Variants in ZNF318 observed in about 807,000 individuals in gnomAD.
ZNF318 encodes zinc finger protein 318.
ZNF318 carries 51 observed loss-of-function variants against 124.2 expected under a neutral mutation model. The ratio of observed to expected loss-of-function variants is 0.41; its 90% confidence interval spans 0.33 to 0.52. The LOEUF (loss-of-function observed/expected upper bound fraction) is 0.52. ZNF318 is among the 20% of genes least tolerant of loss of function. The probability of loss-of-function intolerance (pLI) is 0.23; values close to 1 mark genes in which losing one functional copy is unlikely to be tolerated. For synonymous variants in ZNF318, 1,090 were observed against 1,040.7 expected, an observed-to-expected ratio of 1.05 and a Z score of -0.91; for missense variants, 2,815 against 2,811.2, an observed-to-expected ratio of 1.00 and a Z score of -0.03.
intron 4 of ZNF318, among the ~76,000 whole-genome samples, chr6:43,353,373 G>C (rs1382071320): frequency 8.3e-6 from 1 of 121,130 alleles, no homozygotes; most frequent in East Asian, 2.4e-4. Flanking sequence ...TTTTTCTTCA[G>C]AACTTTTTTT....
At chr6:43,340,556 A>T in intron 9 of ZNF318, 54 bp from the exon 10 acceptor site, 1 of 1,523,768 alleles carries the variant, frequency 6.6e-7, no homozygotes, top group Non-Finnish European at 8.7e-7. Context: ...AAGAGAAAAA[A>T]ATCTTGGCCC....
intron 2 of ZNF318, among the ~76,000 whole-genome samples, chr6:43,360,744 C>T (rs190106063): frequency 1.3e-5 from 2 of 151,898 alleles, no homozygotes; most frequent in African/African-American, 4.8e-5. Context: ...TATATCCATA[C>T]AATAAAATAT....
chr6:43,337,837 C>G lies in ZNF318; in HGVS notation c.6161G>C (p.Cys2054Ser). The change falls in exon 10 of 10, where the codon TGT (cysteine) becomes TCT (serine). Residue 2054 changes from cysteine to serine, a missense_variant. Cys to Ser is a moderately radical substitution (Grantham distance 112). This residue lies in a region of ZNF318 where 927 missense variants were observed against 820.6 expected (regional missense o/e 1.13). Transcript: ENST00000361428. ...GAAGTCAGCGGGATCGGAGGAATTA[C>G]ACCCTATAGGTGATACAGAATTTTC... ...CEENSVSPIGCNSSDPADFEP... is the reference protein window; with the variant it reads ...CEENSVSPIGSNSSDPADFEP... The G allele has an allele frequency of 1.9e-6, 3 of 1,614,210 alleles. No homozygotes were observed. Among genetic ancestry groups the G allele is most frequent in the Non-Finnish European group, 2.5e-6 (3 of 1,180,040 alleles).
At chr6:43,362,966 T>C (rs923153805) in intron 2 of ZNF318, among the ~76,000 whole-genome samples, 1 of 152,102 alleles carries the variant, frequency 6.6e-6, no homozygotes, top group Admixed American at 6.6e-5. Context: ...AGAAGAGAAA[T>C]GTGTAGGGGG....
intron 4 of ZNF318, among the ~76,000 whole-genome samples, chr6:43,354,189 C>T (rs1246733697): frequency 2.0e-5 from 3 of 152,092 alleles, no homozygotes. Context: ...TAAACCAGAA[C>T]AAGCAAAGTT....
intron 2 of ZNF318, among the ~76,000 whole-genome samples, chr6:43,362,493 A>T (rs990604626): frequency 2.6e-5 from 4 of 151,174 alleles, no homozygotes; most frequent in Admixed American, 2.0e-4. Flanking sequence ...ATGAATTTTT[A>T]AAAAATAAAC....
At chr6:43,344,395 TTAAA>T (rs1270364764) in intron 6 of ZNF318, among the ~76,000 whole-genome samples, 1 of 152,190 alleles carries the variant, frequency 6.6e-6, no homozygotes, top group East Asian at 1.9e-4. Context: ...ATTTGATTGG[TTAAA>T]TAAATTTTGC....
rs1449293669 is a variant in ZNF318, at chr6:43,369,403, C to A, written c.-38G>T. ...GGCGGCCACGGCGACAGCTCTGACCCGGGGGCGCCCTAGACGCAGGCTCGG... is the reference window on the plus strand; with the variant it reads ...GGCGGCCACGGCGACAGCTCTGACCAGGGGGCGCCCTAGACGCAGGCTCGG... On this transcript the variant is annotated 5_prime_UTR_variant, in exon 1 of 10. Coordinates refer to ENST00000361428, the MANE Select transcript of ZNF318 (RefSeq NM_014345.3). The A allele has an allele frequency of 1.7e-6, 2 of 1,184,628 alleles. No homozygotes were observed. The highest frequency in any genetic ancestry group is 7.0e-5 in the South Asian group (2 of 28,468). 73.4% of individuals were successfully genotyped at this position (1,184,628 alleles called of 1,614,324 possible). A position where few individuals can be genotyped will look rare whatever the true frequency, so the allele number is the denominator to read the frequency against.
chr6:43,356,025 T>C lies in ZNF318; in HGVS notation c.1309A>G (p.Thr437Ala). ...TCCTTCAAGGCAGTCTCTACCATAG[T>C]CCCCTTGTTTTCAATCTCTGAGGCA... The part of the protein sequence containing the change: ...AFASEIENKG[T>A]MVETALKEPQ... The change falls in exon 4 of 10, where the codon ACT becomes GCT. Residue 437 changes from threonine (T) to alanine (A), a missense_variant. By Grantham distance (58) the Thr-to-Ala change is moderately conservative. This residue lies in a region of ZNF318 where 1,377 missense variants were observed against 1,353.5 expected (regional missense o/e 1.02). Coordinates refer to ENST00000361428, the MANE Select transcript of ZNF318 (RefSeq NM_014345.3). The C allele has an allele frequency of 6.2e-7, 1 of 1,614,170 alleles. No homozygotes were observed. The highest frequency in any genetic ancestry group is 8.5e-7 in the Non-Finnish European group (1 of 1,180,024).
intron 1 of ZNF318, 124 bp from the exon 2 acceptor site, chr6:43,365,564 T>C (rs971549511): frequency 2.2e-6 from 2 of 925,322 alleles, no homozygotes; most frequent in Non-Finnish European, 3.2e-6. Flanking sequence ...CCCAACACTT[T>C]GGGAGGCTGA....
At chr6:43,343,415 T>C (rs1779397726) in intron 6 of ZNF318, among the ~76,000 whole-genome samples, 1 of 152,186 alleles carries the variant, frequency 6.6e-6, no homozygotes, top group Non-Finnish European at 1.5e-5. Context: ...AGAGAAGGGT[T>C]GGTGTACATA....
chr6:43,339,983 C>A lies in ZNF318; in HGVS notation c.4015G>T (p.Val1339Phe). 1 of 1,614,182 alleles carries A rather than the reference C, an allele frequency of 6.2e-7. No homozygotes were observed. Among genetic ancestry groups the A allele is most frequent in the Non-Finnish European group, 8.5e-7 (1 of 1,180,024 alleles). Residue 1339 changes from valine to phenylalanine, a missense_variant, in exon 10 of 10, where the codon GTT becomes TTT. Val to Phe is a conservative substitution (Grantham distance 50, BLOSUM62 -1). Around this residue, in one of 4 missense-constraint regions of ZNF318, gnomAD observed 500 missense variants for 605.2 expected, o/e 0.83. Coordinates refer to ENST00000361428, the MANE Select transcript of ZNF318 (RefSeq NM_014345.3). This position sits in a 1 kb window ranked among gnomAD's most constrained non-coding sequence, Gnocchi z 4.2. ...TTAGTCTGTGTGGAAGTTGTCACAACAGGCATCCAAGGGCTGGTATGTGCA... is the reference window on the plus strand; with the variant it reads ...TTAGTCTGTGTGGAAGTTGTCACAAAAGGCATCCAAGGGCTGGTATGTGCA... The part of the protein sequence containing the change: ...VVAHTSPWMP[V>F]VTTSTQTKIR...
chr6:43,368,744 G>C (rs1248430389), intron 1 of ZNF318: 4 of 985,470 alleles, frequency 4.1e-6, no homozygotes, highest in Non-Finnish European at 4.8e-6. Context: ...CCTAAGGAAC[G>C]GAGCGCGCAC....
Position 43,342,112 on chromosome 6 carries a change from CT to C in ZNF318, c.3375del (p.Gly1126AlafsTer30). 6.2e-7 allele frequency: 1 copy of C among 1,613,966 alleles called. No individual in the cohort carries two copies. Among genetic ancestry groups the C allele is most frequent in the Non-Finnish European group, 8.5e-7 (1 of 1,179,866 alleles). ...CAAAGGTGGCAAAAAGGAAACATAC[CT>C]TTTGCAGGAACAGTTATCTTGTCAG... ...KRTDKITVPA[K>X]GSEFLVPISG... On this transcript the variant is annotated frameshift_variant and splice_region_variant, in exon 8 of 10. Coordinates refer to ENST00000361428, the MANE Select transcript of ZNF318 (RefSeq NM_014345.3). LOFTEE classifies it high-confidence loss of function.
Position 43,369,114 on chromosome 6 carries a change from C to A in ZNF318, c.252G>T (p.Arg84=), listed in dbSNP as rs1779800587. ...RGRRVSPSPP[R]ARRGSPSPPR... ...GTGGCGACGGGGAGCCGCGACGGGC[C>A]CGAGGCGGGGACGGGGAGACGCGAC... Residue 84 remains arginine, a synonymous_variant, in exon 1 of 10, where the codon CGG becomes CGT. Transcript: ENST00000361428. The A allele has an allele frequency of 8.0e-7, 1 of 1,244,514 alleles. No homozygotes were observed. Among genetic ancestry groups the A allele is most frequent in the East Asian group, 3.2e-5 (1 of 31,630 alleles). 77.1% of individuals were successfully genotyped at this position (1,244,514 alleles called of 1,614,324 possible).
chr6:43,369,294 G>C lies in ZNF318; in HGVS notation c.72C>G (p.Arg24=). 7.5e-7 allele frequency: 1 copy of C among 1,340,790 alleles called. No individual in the cohort carries two copies. The highest frequency in any genetic ancestry group is 1.6e-5 in the South Asian group (1 of 62,580). The allele number at this position is 1,340,790 out of a possible 1,614,324, so 83.1% of individuals were successfully genotyped here. Residue 24 remains arginine (R), a synonymous_variant, in exon 1 of 10, where the codon CGC becomes CGG. Coordinates refer to ENST00000361428, the MANE Select transcript of ZNF318 (RefSeq NM_014345.3). ...AGGAGGAGCCAGAGCTGCGGCCGCT[G>C]CGCGGGCCGCCCCCGCCGTCGTCTT... is the stretch of plus-strand genomic sequence containing the variant. ...RPKDDGGGGP[R]SGRSSGSSSG...
At chr6:43,344,658 CTTAT>C (rs528182848) in intron 6 of ZNF318, among the ~76,000 whole-genome samples, 45 of 152,224 alleles carry the variant, frequency 3.0e-4, no homozygotes, top group Middle Eastern at 3.4e-3. Context: ...CTAACATGGA[CTTAT>C]TTATTTATCA....
intron 6 of ZNF318, among the ~76,000 whole-genome samples, chr6:43,346,230 G>A (rs986974858): frequency 2.8e-5 from 4 of 143,196 alleles, no homozygotes; most frequent in Admixed American, 7.0e-5. Context: ...GGTGGTTCAC[G>A]CCTGTAATCC....
At chr6:43,363,766 A>G (rs1021986215) in intron 2 of ZNF318, 2 of 658,526 alleles carry the variant, frequency 3.0e-6, no homozygotes, top group Non-Finnish European at 5.4e-6. Context: ...GCAGACCCAC[A>G]CTGGCCAGTT....
Sources: allele counts gnomAD v4.1 joint callset (sites outside exome capture counted in the v4.1 genomes callset), GRCh38; gene constraint gnomAD v4.1.1; regional missense constraint gnomAD v4.1.1; non-coding constraint Gnocchi (gnomAD v3.1); transcripts MANE v1.5; gene names NCBI Gene and HGNC (gene_info 2026-07-23, HGNC 2026-07-21).